NAV3: variants seen among roughly 807,000 people sequenced by gnomAD.
NAV3 encodes the protein neuron navigator 3.
A neutral mutation model predicts 244.7 loss-of-function variants in NAV3; 87 were observed. The ratio of observed to expected loss-of-function variants is 0.36; its 90% CI spans 0.30 to 0.42. NAV3 has a LOEUF of 0.42. Ranked by LOEUF, NAV3 falls within the 20% of genes least tolerant of loss-of-function variation. The pLI is 1.00. For synonymous variants in NAV3, 1,126 were observed against 1,042.2 expected (o/e 1.08, Z -1.55); for missense variants, 2,663 against 2,893.3 (o/e 0.92, Z 1.83).
intron 12 of NAV3, among the ~76,000 whole-genome samples, chr12:78,097,313 A>G (rs1252100293): frequency 6.6e-6 from 1 of 152,148 alleles, no homozygotes; most frequent in Non-Finnish European, 1.5e-5. Flanking sequence ...CCATGCTTGC[A>G]ATATAAGGAG....
intron 8 of NAV3, among the ~76,000 whole-genome samples, chr12:78,020,469 GTC>G (rs1433283809): frequency 6.6e-6 from 1 of 152,146 alleles, no homozygotes; most frequent in African/African-American, 2.4e-5. Context: ...AATAGGAACA[GTC>G]TGTCAGAAAT....
intron 1 of NAV3, among the ~76,000 whole-genome samples, chr12:77,905,373 T>C (rs537616382): frequency 8.5e-5 from 13 of 152,254 alleles, no homozygotes; most frequent in African/African-American, 2.9e-4. Flanking sequence ...TTTTAGATCA[T>C]TACCTTAACT....
chr12:78,032,912 CT>C (rs887225092), intron 9 of NAV3, among the ~76,000 whole-genome samples: 10 of 150,840 alleles, frequency 6.6e-5, no homozygotes, highest in African/African-American at 1.7e-4. Flanking sequence ...CACACTTGCC[CT>C]TTTTTTTTGC....
At chr12:77,827,107 C>T (rs933573994), upstream of NAV3, among the ~76,000 whole-genome samples, 1 of 152,016 alleles carries the variant, frequency 6.6e-6, no homozygotes, top group Non-Finnish European at 1.5e-5. Context: ...GTGGCAGGCG[C>T]CTGTAATCCC....
At chr12:78,042,089 A>C (rs1374837638) in intron 9 of NAV3, among the ~76,000 whole-genome samples, 1 of 152,030 alleles carries the variant, frequency 6.6e-6, no homozygotes, top group African/African-American at 2.4e-5. Flanking sequence ...TTTTATTGAA[A>C]GTGCCCATCA....
At chr12:78,204,425 A>T (rs1355143721) in intron 38 of NAV3, among the ~76,000 whole-genome samples, 2 of 152,156 alleles carry the variant, frequency 1.3e-5, no homozygotes, top group African/African-American at 4.8e-5. Context: ...TCACAGGAAA[A>T]TTGTTATCAG....
At chr12:78,174,247 T>C (rs1352507481) in intron 24 of NAV3, among the ~76,000 whole-genome samples, 2 of 151,854 alleles carry the variant, frequency 1.3e-5, no homozygotes, top group African/African-American at 4.8e-5. Context: ...GTTTGTTTTA[T>C]TTTAAATAAC....
At chr12:78,208,121 G>A (rs1296192077) in intron 39 of NAV3, among the ~76,000 whole-genome samples, 1 of 152,176 alleles carries the variant, frequency 6.6e-6, no homozygotes. Context: ...TTGGGCAGCT[G>A]CATCTGGTGA....
chr12:77,663,409 A>T (rs984359406), intron 2 of NAV3, among the ~76,000 whole-genome samples: 15 of 152,232 alleles, frequency 9.9e-5, no homozygotes, highest in Non-Finnish European at 1.9e-4. Flanking sequence ...AAAGAAAAAA[A>T]TATTCACAAA....
intron 2 of NAV3, among the ~76,000 whole-genome samples, chr12:77,819,133 A>G (rs1318307842): frequency 6.6e-6 from 1 of 152,066 alleles, no homozygotes; most frequent in Non-Finnish European, 1.5e-5. Context: ...AAACTGCTGG[A>G]TTTTAAATCT....
chr12:77,914,252 T>G (rs1168077271), intron 1 of NAV3, among the ~76,000 whole-genome samples: 2 of 152,136 alleles, frequency 1.3e-5, no homozygotes, highest in African/African-American at 2.4e-5. Context: ...AAAGTGGTCA[T>G]GCCTTTGATT....
intron 23 of NAV3, among the ~76,000 whole-genome samples, chr12:78,160,720 G>A (rs955035650): frequency 1.3e-5 from 2 of 151,914 alleles, no homozygotes; most frequent in Non-Finnish European, 2.9e-5. Flanking sequence ...AGTATTATTA[G>A]CACATTGTAT....
Position 78,160,404 on chromosome 12 carries a change from C to CGT in NAV3, c.4869+1137_4869+1138dup, listed in dbSNP as rs72534188. Among the ~76,000 whole-genome samples the CGT allele has an allele frequency of 1.5e-3, 215 of 144,824 alleles. 1 individual carries two copies. Among genetic ancestry groups the CGT allele is most frequent in the Middle Eastern group, 3.5e-3 (1 of 288 alleles). On this transcript the variant is annotated intron_variant, in intron 23 of 39. Transcript: ENST00000397909. ...GTGTGTGTGTGTGTGTGTGTGCGTG[C>CGT]GTGTGTGTGTGTGTGTGTGTATGAA...
chr12:77,658,774 G>T (rs965282118), intron 2 of NAV3, among the ~76,000 whole-genome samples: 3 of 151,722 alleles, frequency 2.0e-5, no homozygotes, highest in African/African-American at 7.3e-5. Context: ...TAGATCAATG[G>T]AACAGAACAG....
At chr12:78,069,193 G>C (rs1399494632) in intron 12 of NAV3, among the ~76,000 whole-genome samples, 1 of 151,544 alleles carries the variant, frequency 6.6e-6, no homozygotes, top group Non-Finnish European at 1.5e-5. Flanking sequence ...AAAGTTATTT[G>C]CAATAAGCTT....
intron 3 of NAV3, among the ~76,000 whole-genome samples, chr12:77,955,603 C>T (rs1313977081): frequency 6.6e-6 from 1 of 152,072 alleles, no homozygotes; most frequent in East Asian, 1.9e-4. Context: ...GCTGCAGTGG[C>T]TCACACCTAT....
rs921483792 is a variant in NAV3, at chr12:77,759,360, G to A, written c.73-180959G>A. ...GGGGTACAGAAGTATTACAAAGCTT[G>A]CCTAAATTCACATGGATTAAAAGGT... On this transcript the variant is annotated intron_variant, in intron 2 of 8. Coordinates refer to the NAV3 transcript ENST00000550042. Among the ~76,000 whole-genome samples, 7 of 152,306 alleles carry A rather than the reference G, an allele frequency of 4.6e-5. No individual in the cohort carries two copies. In the East Asian group the frequency reaches 7.7e-4, roughly 17 times the overall value.
chr12:77,889,965 A>G (rs1170392251), intron 1 of NAV3, among the ~76,000 whole-genome samples: 1 of 152,210 alleles, frequency 6.6e-6, no homozygotes, highest in Admixed American at 6.5e-5. Context: ...CTGAAGTCCA[A>G]CTGGAATAAC....
At chr12:77,686,549 T>G (rs368309676) in intron 2 of NAV3, among the ~76,000 whole-genome samples, 2 of 152,004 alleles carry the variant, frequency 1.3e-5, no homozygotes, top group East Asian at 1.9e-4. Flanking sequence ...TTATCAGACT[T>G]CGATTTGTCA....
Sources: gnomAD v4.1 joint callset for allele counts (sites outside exome capture counted in the v4.1 genomes callset) on GRCh38, gnomAD v4.1.1 for gene constraint, MANE v1.5 for transcripts, NCBI Gene and HGNC (gene_info 2026-07-23, HGNC 2026-07-21) for gene names.